The following ZFPM1 variants were observed in gnomAD, a reference collection of about 807,000 sequenced individuals.
The protein encoded by ZFPM1 is zinc finger protein ZFPM1.
In ZFPM1, 28 loss-of-function variants were observed where a neutral mutation model predicts 46.3. That is an observed-to-expected ratio of 0.60 (90% confidence interval 0.45 to 0.83). The LOEUF (loss-of-function observed/expected upper bound fraction) is 0.83, where lower values mean the gene tolerates loss of function less well. ZFPM1 is among the 40% of genes least tolerant of loss of function. ZFPM1 has a pLI of 0.00. For missense variants in ZFPM1, 1,878 were observed against 1,432.4 expected (o/e 1.31, Z -5.02); for synonymous variants, 957 against 675.9 (o/e 1.42, Z -6.45).
At position 88,469,752 on chromosome 16, in the gene ZFPM1, G is replaced by A. The variant is rs904899694; in HGVS notation, c.40+16074G>A. On this transcript the variant is annotated intron_variant, in intron 1 of 9. Transcript: ENST00000319555. This position sits in a 1 kb window ranked among gnomAD's most constrained non-coding sequence, Gnocchi z 4.3. ...AAATGTGTAAGTGGAAAATAGTGGCGGGGCGAGGAGAGAAAGAGTCTGGGC... is the reference window on the plus strand; with the variant it reads ...AAATGTGTAAGTGGAAAATAGTGGCAGGGCGAGGAGAGAAAGAGTCTGGGC... 4.6e-5 allele frequency among the ~76,000 whole-genome samples: 7 copies of A among 152,134 alleles called. No individual in the cohort carries two copies. The highest frequency in any genetic ancestry group is 7.2e-5 in the African/African-American group (3 of 41,434).
intron 1 of ZFPM1, among the ~76,000 whole-genome samples, chr16:88,472,644 G>A (rs1326465398): frequency 2.0e-5 from 3 of 152,164 alleles, no homozygotes; most frequent in African/African-American, 7.2e-5. Context: ...GAGCCACTGC[G>A]CCCGGCCTGA....
intron 1 of ZFPM1, among the ~76,000 whole-genome samples, chr16:88,463,348 G>A (rs1366454291): frequency 3.9e-5 from 6 of 152,206 alleles, no homozygotes; most frequent in African/African-American, 7.2e-5. Context: ...GGCAGCAGGC[G>A]CCCAGACCCT....
chr16:88,490,987 G>C (rs536458488), intron 3 of ZFPM1, among the ~76,000 whole-genome samples: 3 of 150,870 alleles, frequency 2.0e-5, no homozygotes, highest in African/African-American at 7.4e-5. Context: ...GGACACACCT[G>C]TCGGGGGTCA....
chr16:88,461,186 G>A (rs1185239667), intron 1 of ZFPM1, among the ~76,000 whole-genome samples: 3 of 139,218 alleles, frequency 2.2e-5, no homozygotes, highest in Non-Finnish European at 4.6e-5. Context: ...CGAGGGGCGG[G>A]GCGGGAGGCC....
At chr16:88,532,967 C>G in intron 9 of ZFPM1, 32 bp downstream of exon 9, 1 of 1,611,286 alleles carries the variant, frequency 6.2e-7, no homozygotes. Flanking sequence ...ACCCCTGCCC[C>G]TTAGGCCCCC....
intron 5 of ZFPM1, 54 bp from the exon 6 acceptor site, chr16:88,527,977 CG>C: frequency 6.8e-7 from 1 of 1,460,920 alleles, no homozygotes; most frequent in Non-Finnish European, 9.2e-7. Context: ...TTGTTTAAGA[CG>C]GGACAGGGAA....
At chr16:88,516,538 G>C in intron 4 of ZFPM1, 1 of 398,670 alleles carries the variant, frequency 2.5e-6, no homozygotes, top group Non-Finnish European at 4.4e-6. Flanking sequence ...TTAAATCCTT[G>C]ATTAACCCTT....
intron 4 of ZFPM1, among the ~76,000 whole-genome samples, chr16:88,522,423 C>T (rs1235682912): frequency 6.6e-6 from 1 of 152,216 alleles, no homozygotes. Flanking sequence ...GGCCCACTAC[C>T]CCGCAGTGTC....
intron 3 of ZFPM1, among the ~76,000 whole-genome samples, chr16:88,493,877 G>T (rs576289471): frequency 6.6e-6 from 1 of 152,168 alleles, no homozygotes; most frequent in Non-Finnish European, 1.5e-5. Flanking sequence ...TGCTGCGAGC[G>T]GCTTTGCTCT....
chr16:88,481,766 T>G (rs1268635262), intron 1 of ZFPM1, among the ~76,000 whole-genome samples: 1 of 152,078 alleles, frequency 6.6e-6, no homozygotes, highest in African/African-American at 2.4e-5. Context: ...GAAATGAAAT[T>G]GGAAGACCAT....
At chr16:88,533,122 G>A (rs1567557080) in intron 9 of ZFPM1, 26 bp from the exon 10 acceptor site, 6 of 1,469,736 alleles carry the variant, frequency 4.1e-6, no homozygotes, top group Non-Finnish European at 5.4e-6. Context: ...CAGGCCTGAG[G>A]TGCCACCCCT....
chr16:88,468,790 T>C (rs912941361), intron 1 of ZFPM1: 2 of 152,150 alleles, frequency 1.3e-5, no homozygotes, highest in African/African-American at 2.4e-5. Context: ...GGCCCAGGGA[T>C]TGGCTGAGCT....
In ZFPM1 at chr16:88,534,277, C is replaced by T. The variant is rs976745969; in HGVS notation, c.2319C>T (p.Ser773=). 6 of 1,144,632 alleles carry T rather than the reference C, an allele frequency of 5.2e-6. No individual in the cohort carries two copies. Among genetic ancestry groups the T allele is most frequent in the African/African-American group, 5.0e-5 (3 of 59,962 alleles). The allele number at this position is 1,144,632 out of a possible 1,614,324, so 70.9% of individuals were successfully genotyped here. Residue 773 remains serine (S), a synonymous_variant, in exon 10 of 10, where the codon AGC becomes AGT. Transcript: ENST00000319555. Reference sequence around the variant, plus strand: ...CGCCCGAGTCGCCGCGGCCCGGAAGCGGAAGCGGAAGCGGCCCCGGCCTCG... The same window carrying T: ...CGCCCGAGTCGCCGCGGCCCGGAAGTGGAAGCGGAAGCGGCCCCGGCCTCG... ...APAPESPRPG[S]GSGSGPGLAP...
chr16:88,488,425 C>T (rs571063445), intron 2 of ZFPM1, among the ~76,000 whole-genome samples: 3 of 152,260 alleles, frequency 2.0e-5, no homozygotes, highest in South Asian at 2.1e-4. Flanking sequence ...GCGGGTCCAG[C>T]GAGGCTCCCT....
At chr16:88,488,416 C>T (rs1052007072) in intron 2 of ZFPM1, among the ~76,000 whole-genome samples, 3 of 152,242 alleles carry the variant, frequency 2.0e-5, no homozygotes, top group Non-Finnish European at 2.9e-5. Context: ...TGCCGCTTGG[C>T]GGGTCCAGCG....
intron 4 of ZFPM1, among the ~76,000 whole-genome samples, chr16:88,518,470 G>A (rs944729766): frequency 5.3e-5 from 8 of 151,252 alleles, no homozygotes; most frequent in Non-Finnish European, 1.0e-4. Flanking sequence ...TGGATGGGTG[G>A]GTAGATGGGT....
chr16:88,475,642 C>T (rs73257657), intron 1 of ZFPM1, among the ~76,000 whole-genome samples: 68 of 152,240 alleles, frequency 4.5e-4, no homozygotes, highest in African/African-American at 9.4e-4. Context: ...GGGCAGGGCT[C>T]GGGAAAAGGG....
chr16:88,459,255 A>G (rs1045515173), intron 1 of ZFPM1, among the ~76,000 whole-genome samples: 14 of 152,188 alleles, frequency 9.2e-5, no homozygotes, highest in African/African-American at 3.4e-4. Flanking sequence ...GGACTGGGTC[A>G]GTCCCGTCCC....
At chr16:88,488,615 C>T (rs906040071) in intron 2 of ZFPM1, among the ~76,000 whole-genome samples, 12 of 152,186 alleles carry the variant, frequency 7.9e-5, no homozygotes, top group East Asian at 1.9e-4. Context: ...CGATCGGGGC[C>T]GAGGTGGTTA....
Sources: allele counts gnomAD v4.1 joint callset (sites outside exome capture counted in the v4.1 genomes callset), GRCh38; gene constraint gnomAD v4.1.1; non-coding constraint Gnocchi (gnomAD v3.1); transcripts MANE v1.5; gene names NCBI Gene and HGNC (gene_info 2026-07-23, HGNC 2026-07-21).